The following PKP2 variants were observed in gnomAD, a reference collection of about 807,000 sequenced individuals.
PKP2 encodes plakophilin-2.
PKP2 carries 73 observed loss-of-function variants against 83.4 expected under a neutral mutation model. The ratio of observed to expected loss-of-function variants is 0.88; its 90% CI spans 0.72 to 1.06. The LOEUF (loss-of-function observed/expected upper bound fraction) is 1.06. PKP2 is among the 50% of genes least tolerant of loss of function. The pLI is 0.00. For synonymous variants in PKP2, 409 were observed against 430.4 expected (o/e 0.95, Z 0.62); for missense variants, 966 against 1,065.4 (o/e 0.91, Z 1.30).
At chr12:32,888,789 G>A (rs987012201) in intron 1 of PKP2, among the ~76,000 whole-genome samples, 4 of 136,450 alleles carry the variant, frequency 2.9e-5, no homozygotes, top group Admixed American at 1.6e-4. Flanking sequence ...CACTGCGCCC[G>A]GCCTCTTTTT....
At chr12:32,798,471 T>A (rs992994046) in intron 10 of PKP2, among the ~76,000 whole-genome samples, 1 of 149,414 alleles carries the variant, frequency 6.7e-6, no homozygotes, top group African/African-American at 2.5e-5. Context: ...AAGTTTTGAG[T>A]TTGGCTTTTT....
At chr12:32,802,283 A>T in intron 10 of PKP2, 120 bp downstream of exon 10, 2 of 1,015,880 alleles carry the variant, frequency 2.0e-6, no homozygotes, top group East Asian at 2.4e-5. Context: ...CCGGTTTATC[A>T]CCTACTCCTT....
At chr12:32,853,414 C>G (rs1438558940) in intron 4 of PKP2, among the ~76,000 whole-genome samples, 4 of 144,680 alleles carry the variant, frequency 2.8e-5, no homozygotes, top group Admixed American at 1.4e-4. Flanking sequence ...AAAAAAAAAC[C>G]AAAATACACA....
intron 3 of PKP2, among the ~76,000 whole-genome samples, chr12:32,872,923 T>C (rs772964183): frequency 2.0e-5 from 3 of 152,008 alleles, no homozygotes; most frequent in Admixed American, 6.6e-5. Flanking sequence ...TTGAAAGAGA[T>C]GAAAAATTAA....
At chr12:32,793,688 C>A (rs1956094614) in intron 11 of PKP2, among the ~76,000 whole-genome samples, 2 of 147,946 alleles carry the variant, frequency 1.4e-5, no homozygotes, top group South Asian at 2.1e-4. Context: ...CTCCGTCTCC[C>A]AGGTTCAAGC....
At chr12:32,826,291 G>C (rs1319054878) in intron 6 of PKP2, among the ~76,000 whole-genome samples, 5 of 123,158 alleles carry the variant, frequency 4.1e-5, no homozygotes, top group Non-Finnish European at 8.1e-5. Flanking sequence ...GGGTGACAAA[G>C]CTAGACACCG....
In PKP2 at chr12:32,792,858, G is replaced by T. The variant is rs867191823; in HGVS notation, c.2358-127C>A. The T allele has an allele frequency of 2.4e-5, 18 of 751,238 alleles. No individual in the cohort carries two copies. The East Asian group carries it at 4.6e-4, about 19-fold the overall frequency. 46.5% of individuals were successfully genotyped at this position (751,238 alleles called of 1,614,324 possible). ...CCGCAGCAGCCATCCATGAAGTCAG[G>T]CCACTCGGTGACCAGACAATTAGGC... is the stretch of plus-strand genomic sequence containing the variant. On this transcript the variant is annotated intron_variant, in intron 11 of 12. Transcript: ENST00000340811.
intron 8 of PKP2, chr12:32,821,789 G>A (rs1387338420): frequency 2.2e-6 from 1 of 445,824 alleles, no homozygotes; most frequent in East Asian, 4.7e-5. Context: ...AGAGAATTAA[G>A]CATAGGTCAT....
rs200152448 is a variant in PKP2, at chr12:32,877,953, G to A, written c.927C>T (p.Ala309=). 26 of 1,614,142 alleles carry A rather than the reference G, an allele frequency of 1.6e-5. No individual in the cohort carries two copies. In the East Asian group the frequency reaches 3.3e-4, roughly 21 times the overall value. ...GCGCTCTCCTCCCGCTGGAATCCAC[G>A]GCGACACTGGGCCCAGCTTCCCTCA... is the stretch of plus-strand genomic sequence containing the variant. ...RTLREAGPSV[A]VDSSGRRAHL... Residue 309 remains alanine (A), a synonymous_variant, in exon 3 of 13, where the codon GCC becomes GCT. Transcript: ENST00000340811.
At chr12:32,861,300 G>A (rs1420884735) in intron 4 of PKP2, among the ~76,000 whole-genome samples, 1 of 152,112 alleles carries the variant, frequency 6.6e-6, no homozygotes, top group East Asian at 1.9e-4. Flanking sequence ...GGACATTAAG[G>A]TAGCAATTTT....
At chr12:32,851,017 T>A in intron 4 of PKP2, 44 bp from the exon 5 acceptor site, 1 of 1,500,524 alleles carries the variant, frequency 6.7e-7, no homozygotes, top group Non-Finnish European at 9.2e-7. Context: ...AATTTTGATG[T>A]GGCATCAAGG....
rs1442811016 is a variant in PKP2 at position 32,792,655 on chromosome 12, C to A, written c.2434G>T (p.Ala812Ser). ...SLWAHTELHH[A>S]YKKAQFKKTD... Reference sequence around the variant, plus strand: ...GTTCATGTTCTTACCTTCTTGTAGGCATGATGCAGTTCCGTGTGTGCCCAC... The same window carrying A: ...GTTCATGTTCTTACCTTCTTGTAGGAATGATGCAGTTCCGTGTGTGCCCAC... Residue 812 changes from alanine (A) to serine (S), a missense_variant, in exon 12 of 13, where the codon GCC becomes TCC. Ala to Ser is a moderately conservative substitution (Grantham distance 99). Transcript: ENST00000340811. 6.2e-7 allele frequency: 1 copy of A among 1,613,582 alleles called. No homozygotes were observed. The highest frequency in any genetic ancestry group is 8.5e-7 in the Non-Finnish European group (1 of 1,179,602).
At chr12:32,838,999 T>A (rs1346602346) in intron 6 of PKP2, among the ~76,000 whole-genome samples, 1 of 152,230 alleles carries the variant, frequency 6.6e-6, no homozygotes, top group Non-Finnish European at 1.5e-5. Context: ...AGAAAATGTT[T>A]ACCAGGCAAA....
At chr12:32,816,536 T>C (rs527847847) in intron 9 of PKP2, among the ~76,000 whole-genome samples, 2 of 152,312 alleles carry the variant, frequency 1.3e-5, no homozygotes, top group South Asian at 2.1e-4. Context: ...GTGAATAGCA[T>C]GGTGATGAAC....
chr12:32,822,233 T>G (rs749337513), intron 8 of PKP2, among the ~76,000 whole-genome samples: 79 of 152,338 alleles, frequency 5.2e-4, no homozygotes, highest in Admixed American at 9.8e-4. Flanking sequence ...TTGTATTCAA[T>G]CTCTTCCACT....
At chr12:32,806,477 T>C (rs950055145) in intron 9 of PKP2, among the ~76,000 whole-genome samples, 72 of 152,214 alleles carry the variant, frequency 4.7e-4, no homozygotes, top group African/African-American at 1.7e-3. Context: ...TCCATGTTTT[T>C]CTAGATTTTC....
intron 9 of PKP2, among the ~76,000 whole-genome samples, chr12:32,808,611 T>G (rs73301773): frequency 0.2 from 29,755 of 152,184 alleles, 3,593 homozygotes; most frequent in East Asian, 0.56. Context: ...CACTCTGTCT[T>G]TTTGAGTTTC....
At chr12:32,863,848 C>G (rs977120557) in intron 4 of PKP2, among the ~76,000 whole-genome samples, 1 of 152,178 alleles carries the variant, frequency 6.6e-6, no homozygotes, top group African/African-American at 2.4e-5. Context: ...ACCCACAACT[C>G]AAAATCAGAC....
At chr12:32,798,507 TA>T (rs1341667098) in intron 10 of PKP2, among the ~76,000 whole-genome samples, 1 of 151,618 alleles carries the variant, frequency 6.6e-6, no homozygotes, top group East Asian at 1.9e-4. Context: ...AGAAAGGTAT[TA>T]AAAAAATAGA....
Sources: allele counts gnomAD v4.1 joint callset (sites outside exome capture counted in the v4.1 genomes callset), GRCh38; gene constraint gnomAD v4.1.1; transcripts MANE v1.5; gene names NCBI Gene and HGNC (gene_info 2026-07-23, HGNC 2026-07-21).